Variants in TMTC4 observed in about 807,000 individuals in gnomAD.
TMTC4 encodes transmembrane O-mannosyltransferase targeting cadherins 4.
In TMTC4, 65 loss-of-function variants were observed where a neutral mutation model predicts 86.0. The ratio of observed to expected loss-of-function variants is 0.76; its 90% CI spans 0.62 to 0.93. TMTC4 has a LOEUF of 0.93. Ranked by LOEUF, TMTC4 falls within the 40% of genes least tolerant of loss-of-function variation. The pLI is 0.00. For synonymous variants in TMTC4, 379 were observed against 382.5 expected, an observed-to-expected ratio of 0.99 and a Z score of 0.11; for missense variants, 866 against 948.1, an observed-to-expected ratio of 0.91 and a Z score of 1.14.
At position 100,674,029 on chromosome 13, in the gene TMTC4, A is replaced by T. The variant is rs1887490705; in HGVS notation, c.-208+715T>A. On this transcript the variant is annotated intron_variant, in intron 1 of 18. Coordinates refer to ENST00000342624, the MANE Select transcript of TMTC4 (RefSeq NM_032813.5). The stretch of plus-strand genomic sequence containing the variant: ...TTGTGTGTGGTTTAAAAAAAAGAAA[A>T]ACACACACGCAGCCCATAGCCACAA... The T allele has an allele frequency of 4.1e-6, 4 of 985,118 alleles. No individual in the cohort carries two copies. In the South Asian group the frequency reaches 1.9e-4, roughly 46 times the overall value. 61.0% of individuals were successfully genotyped at this position (985,118 alleles called of 1,614,324 possible).
intron 1 of TMTC4, 98 bp downstream of exon 1, chr13:100,674,646 C>T: frequency 1.0e-6 from 1 of 982,720 alleles, no homozygotes; most frequent in Non-Finnish European, 1.2e-6. Context: ...GTGCGGGGCT[C>T]GGGACACGGC....
chr13:100,637,424 T>G, intron 9 of TMTC4, 114 bp downstream of exon 9: 9 of 1,310,924 alleles, frequency 6.9e-6, no homozygotes, highest in Non-Finnish European at 9.4e-6. Flanking sequence ...AGGTGGCGCG[T>G]GTATTGGGGA....
At position 100,670,558 on chromosome 13, in the gene TMTC4, T is replaced by A; in HGVS notation, c.-196A>T. On this transcript the variant is annotated 5_prime_UTR_variant, in exon 2 of 19. Transcript: ENST00000342624. ...GTCAAAGGATAAACCACTTCTCGAA[T>A]CTAAATTACAACTGCAAACACAACA... 3 of 539,716 alleles carry A rather than the reference T, an allele frequency of 5.6e-6. No individual in the cohort carries two copies. The South Asian group carries it at 7.9e-5, about 14-fold the overall frequency. 33.4% of individuals were successfully genotyped at this position (539,716 alleles called of 1,614,324 possible).
chr13:100,608,100 A>T (rs149583744), intron 17 of TMTC4, among the ~76,000 whole-genome samples: 41 of 152,348 alleles, frequency 2.7e-4, no homozygotes, highest in African/African-American at 9.9e-4. Context: ...CCTGTAAATG[A>T]AGTAGTGTTA....
At chr13:100,632,035 ACACACACACACACACACACTCTCTCTCT>A (rs1269937782) in intron 12 of TMTC4, among the ~76,000 whole-genome samples, 3 of 67,382 alleles carry the variant, frequency 4.5e-5, no homozygotes, top group Non-Finnish European at 6.9e-5. Flanking sequence ...ACACACACAC[ACACACACACACACACACACTCTCTCTCT>A]CTCTCTCTCT....
chr13:100,653,506 T>C (rs1378989426), intron 6 of TMTC4, among the ~76,000 whole-genome samples: 1 of 152,098 alleles, frequency 6.6e-6, no homozygotes, highest in East Asian at 1.9e-4. Context: ...GTACAGCACC[T>C]TGTTGGGGAG....
rs761822491 is a variant in TMTC4, at chr13:100,625,863, T to C, written c.1616A>G (p.Asn539Ser). Residue 539 changes from asparagine to serine, a missense_variant, in exon 14 of 19, where the codon AAT becomes AGT. Asn to Ser is a conservative substitution (Grantham distance 46). Transcript: ENST00000342624. ...RLNPKYVHAM[N>S]NLGNILKERN... is the part of the protein sequence containing the mutation. ...TTCTTTTAAGATATTTCCAAGATTATTCATGGCATGAACATACTTGGGATT... is the reference window on the plus strand; with the variant it reads ...TTCTTTTAAGATATTTCCAAGATTACTCATGGCATGAACATACTTGGGATT... The C allele has an allele frequency of 3.1e-6, 5 of 1,613,740 alleles. No homozygotes were observed. Among genetic ancestry groups the C allele is most frequent in the Non-Finnish European group, 4.2e-6 (5 of 1,180,014 alleles).
Position 100,604,967 on chromosome 13 carries a change from C to T in TMTC4, c.*27G>A. ...GATATGCCTCATGCACACACACACT[C>T]AAACTCAAAACATGAAGGAAACAGG... is the stretch of plus-strand genomic sequence containing the variant. On this transcript the variant is annotated 3_prime_UTR_variant, in exon 19 of 19. Transcript: ENST00000342624. 2 of 1,609,062 alleles carry T rather than the reference C, an allele frequency of 1.2e-6. No homozygotes were observed. The highest frequency in any genetic ancestry group is 1.7e-6 in the Non-Finnish European group (2 of 1,177,904).
chr13:100,660,926 T>C (rs1885704365), intron 5 of TMTC4, among the ~76,000 whole-genome samples: 2 of 152,202 alleles, frequency 1.3e-5, no homozygotes, highest in Admixed American at 1.3e-4. Flanking sequence ...AGTGCTGTGA[T>C]TACGGGTGTG....
At chr13:100,613,864 C>A (rs1444260455) in intron 16 of TMTC4, among the ~76,000 whole-genome samples, 2 of 121,328 alleles carry the variant, frequency 1.6e-5, no homozygotes, top group Non-Finnish European at 3.3e-5. Context: ...TTTGAGATGG[C>A]GTTTCGCTCT....
rs144195669 is a variant in TMTC4, at chr13:100,639,517, G to A, written c.742-1495C>T. The stretch of plus-strand genomic sequence containing the variant: ...GTGAAGAGGCCTGAGCCAAACACAA[G>A]ACTGCCCCCTTCCTTCTTAAATGCA... On this transcript the variant is annotated intron_variant, in intron 7 of 18. Transcript: ENST00000342624. Among the ~76,000 whole-genome samples the A allele has an allele frequency of 3.7e-3, 560 of 152,334 alleles. 4 individuals are homozygous for A. Among genetic ancestry groups the A allele is most frequent in the African/African-American group, 0.012 (515 of 41,578 alleles).
At chr13:100,630,019 C>CTGTGTGTGTGTGTGTGTGTGTGTG (rs377655969) in intron 12 of TMTC4, among the ~76,000 whole-genome samples, 1 of 146,680 alleles carries the variant, frequency 6.8e-6, no homozygotes, top group African/African-American at 2.6e-5. Flanking sequence ...GCCACCCAAT[C>CTGTGTGTGTGTGTGTGTGTGTGTG]TGTGTGTATG....
intron 5 of TMTC4, among the ~76,000 whole-genome samples, chr13:100,662,601 T>C (rs1479629062): frequency 1.3e-5 from 2 of 152,166 alleles, no homozygotes; most frequent in Admixed American, 6.5e-5. Flanking sequence ...CTCTGAACTT[T>C]AGACCCCGAA....
At chr13:100,657,309 T>C (rs553667473) in intron 5 of TMTC4, among the ~76,000 whole-genome samples, 1 of 152,374 alleles carries the variant, frequency 6.6e-6, no homozygotes, top group Admixed American at 6.5e-5. Context: ...CTCTTTTTTC[T>C]TCCCTTCAGA....
intron 15 of TMTC4, among the ~76,000 whole-genome samples, chr13:100,618,816 C>T (rs972148832): frequency 9.9e-5 from 15 of 152,274 alleles, no homozygotes; most frequent in African/African-American, 1.9e-4. Context: ...GTAAGGTCAC[C>T]GATTAGCAGG....
chr13:100,611,501 C>T (rs1190032716), intron 17 of TMTC4, among the ~76,000 whole-genome samples: 1 of 152,154 alleles, frequency 6.6e-6, no homozygotes, highest in Non-Finnish European at 1.5e-5. Flanking sequence ...AGGAGAATGG[C>T]GTGAACCCGG....
At chr13:100,635,251 CA>C (rs1378923796) in intron 10 of TMTC4, 56 bp from the exon 11 acceptor site, 15 of 1,444,980 alleles carry the variant, frequency 1.0e-5, no homozygotes, top group Non-Finnish European at 1.4e-5. Context: ...TCAAGAAAAA[CA>C]TCCTACTCCA....
Position 100,604,925 on chromosome 13 carries a change from A to G in TMTC4, c.*69T>C. On this transcript the variant is annotated 3_prime_UTR_variant, in exon 19 of 19. Transcript: ENST00000342624. ...CTAAGACTTTTAAATGGTTAAATGT[A>G]ACCACATACTATTAATGATATGCCT... 1 of 1,501,898 alleles carries G rather than the reference A, an allele frequency of 6.7e-7. No individual in the cohort carries two copies. Among genetic ancestry groups the G allele is most frequent in the East Asian group, 2.4e-5 (1 of 41,708 alleles). The allele number at this position is 1,501,898 out of a possible 1,614,324, so 93.0% of individuals were successfully genotyped here. A position where few individuals can be genotyped will look rare whatever the true frequency, so the allele number is the denominator to read the frequency against.
intron 17 of TMTC4, among the ~76,000 whole-genome samples, chr13:100,606,937 T>C (rs377608571): frequency 6.6e-6 from 1 of 152,148 alleles, no homozygotes; most frequent in African/African-American, 2.4e-5. Context: ...GTCAACTACA[T>C]TGTCACAGTA....
Sources: allele counts gnomAD v4.1 joint callset (sites outside exome capture counted in the v4.1 genomes callset), GRCh38; gene constraint gnomAD v4.1.1; transcripts MANE v1.5; gene names NCBI Gene and HGNC (gene_info 2026-07-23, HGNC 2026-07-21).